The following ARHGAP24 variants were observed in gnomAD, a reference collection of about 807,000 sequenced individuals.
The protein encoded by ARHGAP24 is rho GTPase-activating protein 24.
Under a neutral mutation model 76.4 loss-of-function variants are expected in ARHGAP24, and 50 were observed. That is an observed-to-expected ratio of 0.65 (90% confidence interval 0.52 to 0.83). The LOEUF (loss-of-function observed/expected upper bound fraction) is 0.83. Ranked by LOEUF, ARHGAP24 falls within the 40% of genes least tolerant of loss-of-function variation. The pLI is 0.00. For synonymous variants in ARHGAP24, 345 were observed against 323.3 expected, an observed-to-expected ratio of 1.07 and a Z score of -0.72; for missense variants, 930 against 914.2, an observed-to-expected ratio of 1.02 and a Z score of -0.22.
At chr4:85,544,196 C>T (rs1035068933) in intron 1 of ARHGAP24, among the ~76,000 whole-genome samples, 1 of 152,084 alleles carries the variant, frequency 6.6e-6, no homozygotes, top group Non-Finnish European at 1.5e-5. Flanking sequence ...GTAAATGACC[C>T]TTAATTTAAT....
intron 1 of ARHGAP24, among the ~76,000 whole-genome samples, chr4:85,492,390 T>C (rs1723395282): frequency 6.6e-6 from 1 of 152,190 alleles, no homozygotes; most frequent in South Asian, 2.1e-4. Context: ...GTATAATTAT[T>C]ATTAGCTCCT....
intron 2 of ARHGAP24, among the ~76,000 whole-genome samples, chr4:85,721,180 A>G (rs189357): frequency 0.96 from 146,022 of 152,234 alleles, 70,340 homozygotes; most frequent in East Asian, 1. Context: ...TGGATCACCT[A>G]AGGTCAGGAG....
At chr4:85,970,785 T>A (rs115998867) in intron 5 of ARHGAP24, among the ~76,000 whole-genome samples, 2,313 of 152,232 alleles carry the variant, frequency 0.015, 65 homozygotes, top group African/African-American at 0.052. Flanking sequence ...CCTGAGTTGT[T>A]CACTACTACT....
At chr4:85,593,309 T>A (rs889065269) in intron 2 of ARHGAP24, among the ~76,000 whole-genome samples, 1 of 152,192 alleles carries the variant, frequency 6.6e-6, no homozygotes, top group African/African-American at 2.4e-5. Context: ...GATTATTAGA[T>A]TTTTCTCTAT....
intron 3 of ARHGAP24, among the ~76,000 whole-genome samples, chr4:85,769,638 TTTTC>T (rs1727056924): frequency 6.6e-6 from 1 of 152,046 alleles, no homozygotes; most frequent in African/African-American, 2.4e-5. Flanking sequence ...TCTTCCTTTC[TTTTC>T]TTTTTTCTTT....
chr4:85,533,698 GA>G (rs1319629588), intron 1 of ARHGAP24, among the ~76,000 whole-genome samples: 1 of 151,752 alleles, frequency 6.6e-6, no homozygotes, highest in Non-Finnish European at 1.5e-5. Context: ...AGTTGCCACA[GA>G]AAAAAATAAA....
chr4:85,504,279 C>G (rs1723942757), intron 1 of ARHGAP24, among the ~76,000 whole-genome samples: 1 of 152,054 alleles, frequency 6.6e-6, no homozygotes, highest in South Asian at 2.1e-4. Flanking sequence ...CCTTGTTAAC[C>G]TTCCGTCTCA....
intron 2 of ARHGAP24, among the ~76,000 whole-genome samples, chr4:85,587,906 A>C (rs1309871471): frequency 6.6e-6 from 1 of 152,196 alleles, no homozygotes; most frequent in East Asian, 1.9e-4. Context: ...ACCTACTATG[A>C]GGAAAATAGA....
At chr4:85,733,165 AC>A (rs1560607057) in intron 3 of ARHGAP24, among the ~76,000 whole-genome samples, 1 of 140,986 alleles carries the variant, frequency 7.1e-6, no homozygotes, top group African/African-American at 2.6e-5. Context: ...CCGGGTTCAC[AC>A]CTTTCTCCTG....
chr4:85,638,426 A>G (rs1033812360), intron 2 of ARHGAP24, among the ~76,000 whole-genome samples: 1 of 152,178 alleles, frequency 6.6e-6, no homozygotes, highest in Non-Finnish European at 1.5e-5. Context: ...AAAGGGATGC[A>G]TTCTTCCACT....
Position 85,923,627 on chromosome 4 carries a change from ATTGT to A in ARHGAP24, c.269-19_269-16del. On this transcript the variant is annotated splice_polypyrimidine_tract_variant and intron_variant, in intron 3 of 9. Transcript: ENST00000395184. ...AATCTCTGGATGCAACTTCAGCTGCATTGTTACTGTGTTTTCACAGGAGGCGATC... is the reference window on the plus strand; with the variant it reads ...AATCTCTGGATGCAACTTCAGCTGCATACTGTGTTTTCACAGGAGGCGATC... 3 of 1,613,366 alleles carry A rather than the reference ATTGT, an allele frequency of 1.9e-6. No individual in the cohort carries two copies. The highest frequency in any genetic ancestry group is 2.5e-6 in the Non-Finnish European group (3 of 1,179,630).
At chr4:85,750,036 G>A (rs893852879) in intron 3 of ARHGAP24, among the ~76,000 whole-genome samples, 1 of 152,016 alleles carries the variant, frequency 6.6e-6, no homozygotes, top group African/African-American at 2.4e-5. Context: ...CCATCCACCT[G>A]CCCCTCACGT....
intron 3 of ARHGAP24, among the ~76,000 whole-genome samples, chr4:85,819,893 A>G (rs947185858): frequency 2.7e-5 from 4 of 149,482 alleles, no homozygotes; most frequent in African/African-American, 1.0e-4. Flanking sequence ...GCACTCCATC[A>G]TGATTGAAAA....
chr4:85,789,823 A>C, intron 3 of ARHGAP24, among the ~76,000 whole-genome samples: 1 of 152,210 alleles, frequency 6.6e-6, no homozygotes, highest in Non-Finnish European at 1.5e-5. Context: ...AATCTTCTTG[A>C]GAAGTCCTAC....
At chr4:85,546,841 G>A (rs1201457028) in intron 1 of ARHGAP24, among the ~76,000 whole-genome samples, 1 of 152,066 alleles carries the variant, frequency 6.6e-6, no homozygotes, top group Non-Finnish European at 1.5e-5. Flanking sequence ...AATAGTACTA[G>A]GAACTTCTGA....
At chr4:85,785,831 C>A (rs1267322708) in intron 3 of ARHGAP24, among the ~76,000 whole-genome samples, 2 of 152,126 alleles carry the variant, frequency 1.3e-5, no homozygotes, top group African/African-American at 4.8e-5. Context: ...TTTGCTATAA[C>A]TGCTACCCTA....
chr4:85,638,591 G>T (rs1479255566), intron 2 of ARHGAP24, among the ~76,000 whole-genome samples: 2 of 151,972 alleles, frequency 1.3e-5, no homozygotes, highest in East Asian at 1.9e-4. Flanking sequence ...CTCTCTAATA[G>T]TAACATCAAC....
At chr4:85,864,360 G>A (rs779588509) in intron 3 of ARHGAP24, among the ~76,000 whole-genome samples, 4 of 151,980 alleles carry the variant, frequency 2.6e-5, no homozygotes, top group Non-Finnish European at 4.4e-5. Flanking sequence ...TGATTTTTTC[G>A]ATAATAATCT....
intron 1 of ARHGAP24, among the ~76,000 whole-genome samples, chr4:85,541,136 C>T (rs1470430180): frequency 7.7e-6 from 1 of 129,274 alleles, no homozygotes; most frequent in Non-Finnish European, 1.6e-5. Context: ...TGCTAGCATC[C>T]ATGACCTTTT....
Sources: allele counts gnomAD v4.1 joint callset (sites outside exome capture counted in the v4.1 genomes callset), GRCh38; gene constraint gnomAD v4.1.1; transcripts MANE v1.5; gene names NCBI Gene and HGNC (gene_info 2026-07-23, HGNC 2026-07-21).